SLC2A3: variants seen among roughly 807,000 people sequenced by gnomAD.
SLC2A3 encodes solute carrier family 2, facilitated glucose transporter member 3.
SLC2A3 carries 21 observed loss-of-function variants against 46.4 expected under a neutral mutation model. That is an observed-to-expected ratio of 0.45 (90% confidence interval 0.32 to 0.65). The LOEUF is 0.65. SLC2A3 is among the 30% of genes least tolerant of loss of function. The pLI is 0.04. For missense variants in SLC2A3, 499 were observed against 623.3 expected (o/e 0.80, Z 2.12); for synonymous variants, 213 against 239.4 (o/e 0.89, Z 1.02).
chr12:7,931,071 C>G (rs1273695391), intron 4 of SLC2A3, among the ~76,000 whole-genome samples, 174 bp downstream of exon 4: 1 of 152,164 alleles, frequency 6.6e-6, no homozygotes, highest in Non-Finnish European at 1.5e-5. Flanking sequence ...GCTGGGATTA[C>G]AGGCGTGAGC....
chr12:7,935,923 C>G lies in SLC2A3; in HGVS notation c.15+97G>C. The G allele has an allele frequency of 2.8e-6, 3 of 1,052,992 alleles. No individual in the cohort carries two copies. The East Asian group carries it at 7.1e-5, about 25-fold the overall frequency. 65.2% of individuals were successfully genotyped at this position (1,052,992 alleles called of 1,614,324 possible). A position where few individuals can be genotyped will look rare whatever the true frequency, so the allele number is the denominator to read the frequency against. On this transcript the variant is annotated intron_variant, in intron 1 of 9. Transcript: ENST00000075120. Reference sequence around the variant, plus strand: ...AAAAGGCCTTAAGATAGCTTGGTGACTTAGGAGAAAATAGAACAAGGAGAT... The same window carrying G: ...AAAAGGCCTTAAGATAGCTTGGTGAGTTAGGAGAAAATAGAACAAGGAGAT...
intron 9 of SLC2A3, 48 bp downstream of exon 9, chr12:7,922,773 C>A: frequency 6.2e-7 from 1 of 1,611,334 alleles, no homozygotes; most frequent in Non-Finnish European, 8.5e-7. Flanking sequence ...GGAGTATCTT[C>A]ATGTCAGCTT....
chr12:7,923,052 A>T (rs1325182899), intron 8 of SLC2A3, 28 bp from the exon 9 acceptor site: 1 of 1,590,290 alleles, frequency 6.3e-7, no homozygotes, highest in Admixed American at 1.8e-5. Context: ...AGAGAAAATT[A>T]AATTTAAAGA....
Position 7,920,282 on chromosome 12 carries a change from A to G in SLC2A3, c.*1131T>C, listed in dbSNP as rs1455427774. 6.6e-6 allele frequency: 1 copy of G among 152,082 alleles called. No homozygotes were observed. Among genetic ancestry groups the G allele is most frequent in the African/African-American group, 2.4e-5 (1 of 41,350 alleles). The allele number at this position is 152,082 out of a possible 1,614,324, so 9.4% of individuals were successfully genotyped here. A position where few individuals can be genotyped will look rare whatever the true frequency, so the allele number is the denominator to read the frequency against. On this transcript the variant is annotated 3_prime_UTR_variant, in exon 10 of 10. Transcript: ENST00000075120. Reference sequence around the variant, plus strand: ...GAAAAATAATGAATCTCTACCAAGAACCAATTATTTTAGGTTTCTTATTTG... The same window carrying G: ...GAAAAATAATGAATCTCTACCAAGAGCCAATTATTTTAGGTTTCTTATTTG...
intron 3 of SLC2A3, among the ~76,000 whole-genome samples, chr12:7,932,072 G>C (rs1946161653): frequency 6.6e-6 from 1 of 151,856 alleles, no homozygotes; most frequent in African/African-American, 2.4e-5. Context: ...AGTAGGGACA[G>C]GGTTTCACCG....
chr12:7,931,138 A>G (rs1946151428), intron 4 of SLC2A3, 107 bp downstream of exon 4: 2 of 1,526,254 alleles, frequency 1.3e-6, no homozygotes, highest in Non-Finnish European at 1.8e-6. Flanking sequence ...TAAAACTTCC[A>G]TATGTAATTG....
chr12:7,929,553 C>T, intron 6 of SLC2A3, 131 bp downstream of exon 6: 1 of 1,350,184 alleles, frequency 7.4e-7, no homozygotes, highest in Non-Finnish European at 1.0e-6. Flanking sequence ...CAACCTGAAA[C>T]TCCTGAGCTC....
At chr12:7,926,721 G>A (rs1422613226) in intron 6 of SLC2A3, among the ~76,000 whole-genome samples, 2 of 152,120 alleles carry the variant, frequency 1.3e-5, no homozygotes, top group African/African-American at 2.4e-5. Context: ...TAGGGACATC[G>A]ATGTCTCAAT....
Position 7,930,524 on chromosome 12 carries a change from C to A in SLC2A3, c.629G>T (p.Arg210Ile). 5.6e-6 allele frequency: 9 copies of A among 1,613,908 alleles called. No homozygotes were observed. The highest frequency in any genetic ancestry group is 7.6e-6 in the Non-Finnish European group (9 of 1,179,892). ...TTCTTTTCTGTTAATGAGCAAAAAT[C>A]TGGGACTTTCAGGGCAAAATGGAAG... ...AALPFCPESP[R>I]FLLINRKEEE... Residue 210 changes from arginine (R) to isoleucine (I), a missense_variant, in exon 5 of 10, where the codon AGA (arginine) becomes ATA (isoleucine). Around this residue, in one of 5 missense-constraint regions of SLC2A3, gnomAD observed 248 missense variants for 284.0 expected, o/e 0.87. Coordinates refer to ENST00000075120, the MANE Select transcript of SLC2A3 (RefSeq NM_006931.3).
chr12:7,930,350 A>T, intron 5 of SLC2A3, 130 bp downstream of exon 5: 1 of 1,024,782 alleles, frequency 9.8e-7, no homozygotes, highest in Non-Finnish European at 1.4e-6. Flanking sequence ...ACTCAGGAGT[A>T]ATCAGAACCC....
At chr12:7,925,818 C>G (rs911310601) in intron 7 of SLC2A3, 26 bp downstream of exon 7, 1 of 1,568,894 alleles carries the variant, frequency 6.4e-7, no homozygotes, top group African/African-American at 1.4e-5. Context: ...TTTCTCCCCT[C>G]AAAATTACCA....
intron 8 of SLC2A3, among the ~76,000 whole-genome samples, chr12:7,923,955 A>ATGGG (rs1946067746): frequency 6.6e-6 from 1 of 151,830 alleles, no homozygotes; most frequent in South Asian, 2.1e-4. Flanking sequence ...TTTAATAGAG[A>ATGGG]CGGGGTTTCT....
intron 1 of SLC2A3, among the ~76,000 whole-genome samples, chr12:7,935,527 C>T (rs781314897): frequency 6.6e-6 from 1 of 152,162 alleles, no homozygotes; most frequent in Admixed American, 6.5e-5. Flanking sequence ...CCTGCACTCA[C>T]GATTTTAACC....
intron 5 of SLC2A3, chr12:7,930,190 G>A: frequency 1.9e-6 from 1 of 525,726 alleles, no homozygotes; most frequent in South Asian, 2.5e-5. Context: ...TCTCCATGTT[G>A]TTTCAGGCAG....
chr12:7,921,030 T>C lies in SLC2A3; in HGVS notation c.*383A>G, dbSNP rs1946031635. ...ACACCCTCCGGCTTCCACACTCATA[T>C]GTATCTGCTTCCTGGTAAGTCTGAG... is the stretch of plus-strand genomic sequence containing the variant. On this transcript the variant is annotated 3_prime_UTR_variant, in exon 10 of 10. Coordinates refer to ENST00000075120, the MANE Select transcript of SLC2A3 (RefSeq NM_006931.3). 2 of 371,902 alleles carry C rather than the reference T, an allele frequency of 5.4e-6. No homozygotes were observed. Among genetic ancestry groups the C allele is most frequent in the Admixed American group, 2.8e-5 (1 of 36,192 alleles). The allele number at this position is 371,902 out of a possible 1,614,324, so 23.0% of individuals were successfully genotyped here.
Position 7,933,910 on chromosome 12 carries a change from G to A in SLC2A3, c.16-8C>T. 1 of 1,612,450 alleles carries A rather than the reference G, an allele frequency of 6.2e-7. No individual in the cohort carries two copies. Among genetic ancestry groups the A allele is most frequent in the Non-Finnish European group, 8.5e-7 (1 of 1,178,600 alleles). The stretch of plus-strand genomic sequence containing the variant: ...TATCAGAGCTGGGGTGACCTGGAGG[G>A]AGGGAAGACAGAGGAGAGAATAGTC... On this transcript the variant is annotated splice_region_variant and splice_polypyrimidine_tract_variant and intron_variant, in intron 1 of 9. Transcript: ENST00000075120.
In SLC2A3 at chr12:7,936,160, T is replaced by C; in HGVS notation, c.-126A>G. 7 of 809,276 alleles carry C rather than the reference T, an allele frequency of 8.6e-6. No individual in the cohort carries two copies. In the South Asian group the frequency reaches 9.4e-5, roughly 11 times the overall value. The allele number at this position is 809,276 out of a possible 1,614,324, so 50.1% of individuals were successfully genotyped here. On this transcript the variant is annotated 5_prime_UTR_variant, in exon 1 of 10. Transcript: ENST00000075120. ...GTTTTCTCCACGTCCTCAGGAAGGA[T>C]CCAAAGTCTTACCATTACAGCATCT...
chr12:7,935,586 C>G (rs1308916735), intron 1 of SLC2A3, among the ~76,000 whole-genome samples: 3 of 152,136 alleles, frequency 2.0e-5, no homozygotes, highest in African/African-American at 7.2e-5. Flanking sequence ...TCCACGAACC[C>G]CATATGTTAT....
At chr12:7,933,245 GAATA>G (rs1946177079) in intron 2 of SLC2A3, 98 bp from the exon 3 acceptor site, 7 of 1,307,938 alleles carry the variant, frequency 5.4e-6, no homozygotes, top group Non-Finnish European at 4.3e-6. Context: ...AGAATCAAGG[GAATA>G]AATAGACAGG....
Sources: gnomAD v4.1 joint callset for allele counts (sites outside exome capture counted in the v4.1 genomes callset) on GRCh38, gnomAD v4.1.1 for gene constraint, gnomAD v4.1.1 regional missense constraint, MANE v1.5 for transcripts, NCBI Gene and HGNC (gene_info 2026-07-23, HGNC 2026-07-21) for gene names.